Variants in RAPGEF4 observed in about 807,000 individuals in gnomAD.
The protein encoded by RAPGEF4 is RAP guanine-nucleotide-exchange factor (GEF) 4.
In RAPGEF4, 66 loss-of-function variants were observed where a neutral mutation model predicts 147.9. The observed-to-expected ratio is 0.45, with a 90% CI of 0.37 to 0.55. The LOEUF is 0.55. RAPGEF4 is among the 20% of genes least tolerant of loss of function. The pLI is 0.00. For synonymous variants in RAPGEF4, 419 were observed against 442.7 expected (o/e 0.95, Z 0.67); for missense variants, 1,071 against 1,257.3 (o/e 0.85, Z 2.24).
chr2:172,814,198 A>G, intron 3 of RAPGEF4, 81 bp from the exon 4 acceptor site: 1 of 1,437,540 alleles, frequency 7.0e-7, no homozygotes, highest in Non-Finnish European at 9.7e-7. Flanking sequence ...CCTTGTACAA[A>G]TTATACTGCA....
intron 6 of RAPGEF4, among the ~76,000 whole-genome samples, chr2:172,932,555 C>T (rs1250536939): frequency 6.6e-6 from 1 of 152,196 alleles, no homozygotes; most frequent in Non-Finnish European, 1.5e-5. Flanking sequence ...TTGTTTAAGT[C>T]ATATTCCCAT....
At chr2:172,850,146 A>G (rs1288477924) in intron 4 of RAPGEF4, among the ~76,000 whole-genome samples, 1 of 152,136 alleles carries the variant, frequency 6.6e-6, no homozygotes, top group Non-Finnish European at 1.5e-5. Flanking sequence ...GATGCTGAGA[A>G]TCTTAAAGAT....
At chr2:172,902,119 T>C (rs906487489) in intron 4 of RAPGEF4, among the ~76,000 whole-genome samples, 1 of 151,802 alleles carries the variant, frequency 6.6e-6, no homozygotes, top group Non-Finnish European at 1.5e-5. Flanking sequence ...GAAAACTTCG[T>C]GTGTTGAAGG....
intron 4 of RAPGEF4, among the ~76,000 whole-genome samples, chr2:172,895,998 G>C (rs1698433408): frequency 6.6e-6 from 1 of 152,180 alleles, no homozygotes; most frequent in Non-Finnish European, 1.5e-5. Context: ...AGGCTTTTCT[G>C]TGAAATAAAC....
intron 4 of RAPGEF4, chr2:172,859,953 G>C: frequency 3.5e-6 from 3 of 864,088 alleles, no homozygotes; most frequent in Non-Finnish European, 4.2e-6. Flanking sequence ...TGGAATCCTT[G>C]TCCGGGAGTG....
At chr2:172,884,623 C>A (rs1696979904) in intron 4 of RAPGEF4, among the ~76,000 whole-genome samples, 1 of 152,162 alleles carries the variant, frequency 6.6e-6, no homozygotes, top group South Asian at 2.1e-4. Context: ...ACCCTCTGAG[C>A]ATTTTGAGAA....
intron 4 of RAPGEF4, among the ~76,000 whole-genome samples, chr2:172,876,809 G>A (rs574245971): frequency 6.6e-6 from 1 of 152,272 alleles, no homozygotes; most frequent in South Asian, 2.1e-4. Context: ...GATTGGAATA[G>A]TTTCAGAAGG....
chr2:173,045,306 A>G (rs1237946315), intron 29 of RAPGEF4, among the ~76,000 whole-genome samples: 1 of 152,216 alleles, frequency 6.6e-6, no homozygotes, highest in Non-Finnish European at 1.5e-5. Flanking sequence ...CAGTGGCATG[A>G]CTTCTTTTTA....
At chr2:172,911,825 G>A (rs1383394196) in intron 4 of RAPGEF4, among the ~76,000 whole-genome samples, 2 of 136,038 alleles carry the variant, frequency 1.5e-5, no homozygotes, top group Non-Finnish European at 3.1e-5. Context: ...AGGCTAGAGT[G>A]CAGTGATCAC....
intron 4 of RAPGEF4, chr2:172,821,761 A>AAAG: frequency 9.2e-7 from 1 of 1,087,852 alleles, no homozygotes; most frequent in Non-Finnish European, 1.1e-6. Flanking sequence ...AAAAAAAAAA[A>AAAG]GGAAGTGTTT....
intron 5 of RAPGEF4, chr2:172,918,124 CT>C (rs1559119166): frequency 1.6e-6 from 1 of 641,916 alleles, no homozygotes; most frequent in East Asian, 2.9e-5. Flanking sequence ...GCATAGAATA[CT>C]TTCCCAAAAT....
At chr2:172,865,943 G>C (rs1373291613) in intron 4 of RAPGEF4, among the ~76,000 whole-genome samples, 1 of 152,034 alleles carries the variant, frequency 6.6e-6, no homozygotes, top group African/African-American at 2.4e-5. Context: ...TAAGATAGAA[G>C]AGGTTTTTCC....
intron 1 of RAPGEF4, among the ~76,000 whole-genome samples, chr2:172,770,128 G>C (rs994967307): frequency 1.2e-4 from 19 of 152,186 alleles, no homozygotes; most frequent in African/African-American, 4.3e-4. Flanking sequence ...GCTTGAGGAA[G>C]TATAAGAATA....
intron 6 of RAPGEF4, among the ~76,000 whole-genome samples, chr2:172,925,033 C>A (rs867656601): frequency 6.6e-6 from 1 of 152,130 alleles, no homozygotes; most frequent in East Asian, 1.9e-4. Context: ...CTGCAAGCTC[C>A]GCAGTGGCAT....
chr2:172,765,989 A>G (rs1696799551), intron 1 of RAPGEF4, among the ~76,000 whole-genome samples: 1 of 152,178 alleles, frequency 6.6e-6, no homozygotes, highest in Admixed American at 6.5e-5. Flanking sequence ...AATTTGCAGA[A>G]GGTGGGGTTT....
intron 19 of RAPGEF4, among the ~76,000 whole-genome samples, chr2:173,016,675 C>G (rs2105898525): frequency 6.6e-6 from 1 of 152,284 alleles, no homozygotes; most frequent in South Asian, 2.1e-4. Flanking sequence ...AAAAGATCCT[C>G]CTGGGTGGAG....
At chr2:172,964,526 A>G (rs1439789318) in intron 8 of RAPGEF4, among the ~76,000 whole-genome samples, 1 of 151,008 alleles carries the variant, frequency 6.6e-6, no homozygotes, top group Non-Finnish European at 1.5e-5. Context: ...CGCCACTTCA[A>G]GATTGTTCCC....
intron 29 of RAPGEF4, among the ~76,000 whole-genome samples, chr2:173,043,926 G>T (rs1198001704): frequency 6.6e-6 from 1 of 152,222 alleles, no homozygotes; most frequent in African/African-American, 2.4e-5. Flanking sequence ...TCACTCTGAT[G>T]CAGGCTGACC....
intron 1 of RAPGEF4, among the ~76,000 whole-genome samples, chr2:172,787,206 T>C (rs1685298337): frequency 6.6e-6 from 1 of 152,122 alleles, no homozygotes; most frequent in African/African-American, 2.4e-5. Context: ...AGTGAGACTC[T>C]GTCTCAAAAA....
Sources: gnomAD v4.1 joint callset for allele counts (sites outside exome capture counted in the v4.1 genomes callset) on GRCh38, gnomAD v4.1.1 for gene constraint, MANE v1.5 for transcripts, NCBI Gene and HGNC (gene_info 2026-07-23, HGNC 2026-07-21) for gene names.